PSMA2: variants seen among roughly 807,000 people sequenced by gnomAD.
The protein encoded by PSMA2 is proteasome 20S subunit alpha 2.
Under a neutral mutation model 35.9 loss-of-function variants are expected in PSMA2, and 2 were observed. The ratio of observed to expected loss-of-function variants is 0.06; its 90% CI spans 0.02 to 0.18. PSMA2 has a LOEUF of 0.18. Ranked by LOEUF, PSMA2 falls within the 10% of genes least tolerant of loss-of-function variation. The pLI, the probability that PSMA2 is intolerant of heterozygous loss-of-function variation, is 1.00. For missense variants in PSMA2, 126 were observed against 278.8 expected, an observed-to-expected ratio of 0.45 and a Z score of 3.90; for synonymous variants, 97 against 98.2, an observed-to-expected ratio of 0.99 and a Z score of 0.07.
intron 1 of PSMA2, 119 bp downstream of exon 1, chr7:42,931,999 C>T (rs577293330): frequency 7.5e-7 from 1 of 1,339,474 alleles, no homozygotes; most frequent in Non-Finnish European, 1.1e-6. Flanking sequence ...GCATTTCCAA[C>T]TCCATTCCCT....
At chr7:42,931,613 G>A (rs1786314180) in intron 1 of PSMA2, among the ~76,000 whole-genome samples, 1 of 152,208 alleles carries the variant, frequency 6.6e-6, no homozygotes, top group Middle Eastern at 3.4e-3. Flanking sequence ...CGAAGAAACC[G>A]AAAGCGGGAG....
chr7:42,921,321 G>A (rs1294496532), intron 6 of PSMA2: 1 of 152,124 alleles, frequency 6.6e-6, no homozygotes, highest in Non-Finnish European at 1.5e-5. Flanking sequence ...GAGTCCCGAA[G>A]GACTACAGTA....
At chr7:42,925,177 T>C (rs1786189140) in intron 3 of PSMA2, among the ~76,000 whole-genome samples, 1 of 152,168 alleles carries the variant, frequency 6.6e-6, no homozygotes, top group Non-Finnish European at 1.5e-5. Flanking sequence ...TTTTCTCACT[T>C]CAGGTCACTA....
intron 2 of PSMA2, 46 bp from the exon 3 acceptor site, chr7:42,926,714 CTG>C: frequency 6.5e-7 from 1 of 1,543,176 alleles, no homozygotes; most frequent in Non-Finnish European, 8.7e-7. Context: ...ATTTTTAAGA[CTG>C]TTTTAACAGC....
chr7:42,927,209 G>C (rs1355238828), intron 2 of PSMA2, among the ~76,000 whole-genome samples, 174 bp downstream of exon 2: 2 of 152,166 alleles, frequency 1.3e-5, no homozygotes, highest in South Asian at 2.1e-4. Flanking sequence ...ACTTTGAAAA[G>C]AAATTTGAAT....
At chr7:42,923,512 T>C (rs1359916768) in intron 4 of PSMA2, 106 bp from the exon 5 acceptor site, 7 of 788,322 alleles carry the variant, frequency 8.9e-6, no homozygotes, top group Non-Finnish European at 1.1e-5. Flanking sequence ...GCAAACTGAA[T>C]TAGACTTTTA....
intron 2 of PSMA2, 69 bp from the exon 3 acceptor site, chr7:42,926,737 T>G (rs1024547915): frequency 1.2e-4 from 169 of 1,459,022 alleles, no homozygotes; most frequent in Non-Finnish European, 1.2e-4. Context: ...TTTCTAATTA[T>G]GGATGCGCTA....
At chr7:42,926,384 C>G in intron 3 of PSMA2, 152 bp downstream of exon 3, 1 of 841,268 alleles carries the variant, frequency 1.2e-6, no homozygotes, top group East Asian at 2.9e-5. Context: ...AAACTAAATT[C>G]AGCTCTCAAC....
chr7:42,925,413 A>C (rs1332922314), intron 3 of PSMA2, among the ~76,000 whole-genome samples: 2 of 152,172 alleles, frequency 1.3e-5, no homozygotes, highest in African/African-American at 4.8e-5. Context: ...AAAGAGAATA[A>C]CTCAGATGTG....
In PSMA2 at chr7:42,932,106, C is replaced by G. The variant is rs779982230; in HGVS notation, c.41+12G>C. ...TCGACTACGCTGAAGACCTCGAGGG[C>G]CCCTTCCATACCTGAATGTAGTCAG... On this transcript the variant is annotated intron_variant, in intron 1 of 7. Transcript: ENST00000223321. 6.2e-7 allele frequency: 1 copy of G among 1,614,138 alleles called. No individual in the cohort carries two copies. The highest frequency in any genetic ancestry group is 8.5e-7 in the Non-Finnish European group (1 of 1,180,034).
chr7:42,918,792 G>A, intron 6 of PSMA2: 1 of 162,190 alleles, frequency 6.2e-6, no homozygotes, highest in Non-Finnish European at 1.3e-5. Flanking sequence ...ATGGCCCGTG[G>A]CTGACTTGGC....
rs58198756 is a variant in PSMA2 at position 42,924,353 on chromosome 7, C to CA, written c.374+321dup. On this transcript the variant is annotated intron_variant, in intron 4 of 7. Transcript: ENST00000223321. The stretch of plus-strand genomic sequence containing the variant: ...TGGGCGACAGAGTGAGACTCTGACT[C>CA]AAAAAAAAAAAAAAAAAAAAAAAAA... Among the ~76,000 whole-genome samples the CA allele has an allele frequency of 5.0e-3, 344 of 69,424 alleles. 16 individuals carry two copies. The highest frequency in any genetic ancestry group is 0.02 in the African/African-American group (328 of 16,272). The allele number at this position is 69,424 out of a possible 152,430, so 45.5% of individuals were successfully genotyped here. A position where few individuals can be genotyped will look rare whatever the true frequency, so the allele number is the denominator to read the frequency against.
At position 42,926,290 on chromosome 7, in the gene PSMA2, T is replaced by C. The variant is rs542275110; in HGVS notation, c.251+246A>G. 4.3e-3 allele frequency among the ~76,000 whole-genome samples: 656 copies of C among 152,380 alleles called. 7 individuals are homozygous for C. The highest frequency in any genetic ancestry group is 0.015 in the African/African-American group (631 of 41,596). Reference sequence around the variant, plus strand: ...GAATATGTCAGAAGAGAAAGTCCGCTGAACAGAGAAAAGAGGAGTTATGTA... The same window carrying C: ...GAATATGTCAGAAGAGAAAGTCCGCCGAACAGAGAAAAGAGGAGTTATGTA... On this transcript the variant is annotated intron_variant, in intron 3 of 7. Coordinates refer to ENST00000223321, the MANE Select transcript of PSMA2 (RefSeq NM_002787.5).
rs1786084106 is a variant in PSMA2 at position 42,919,099 on chromosome 7, C to G, written c.531-1264G>C. The G allele has an allele frequency of 2.4e-5, 9 of 381,084 alleles. No homozygotes were observed. The Admixed American group carries it at 2.9e-4, about 12-fold the overall frequency. The allele number at this position is 381,084 out of a possible 1,614,324, so 23.6% of individuals were successfully genotyped here. ...TTGGCCTCCCAAAGTGCTGGGATTA[C>G]AGGCGTGAGCCACTGCGCCTGGCCA... On this transcript the variant is annotated intron_variant, in intron 6 of 7. Coordinates refer to ENST00000223321, the MANE Select transcript of PSMA2 (RefSeq NM_002787.5).
intron 1 of PSMA2, among the ~76,000 whole-genome samples, chr7:42,929,427 C>T (rs774503155): frequency 2.0e-5 from 3 of 152,178 alleles, no homozygotes; most frequent in Non-Finnish European, 4.4e-5. Flanking sequence ...TTAATAGCTA[C>T]CATTTCTCTG....
intron 4 of PSMA2, among the ~76,000 whole-genome samples, chr7:42,923,644 C>T (rs983660846): frequency 1.3e-5 from 2 of 152,232 alleles, no homozygotes; most frequent in Non-Finnish European, 2.9e-5. Context: ...TTACCTAAGA[C>T]ACTGGGGTTA....
At chr7:42,919,551 G>A in intron 6 of PSMA2, 1 of 516,684 alleles carries the variant, frequency 1.9e-6, no homozygotes, top group Non-Finnish European at 3.8e-6. Context: ...TAAGACTTTG[G>A]GATCATGCTA....
Position 42,917,846 on chromosome 7 carries a change from T to A in PSMA2, c.531-11A>T, listed in dbSNP as rs773310900. The stretch of plus-strand genomic sequence containing the variant: ...AGATCTTCATTATATCTGAAGAATT[T>A]AAAAAAAATTACTTATATCATTGTT... On this transcript the variant is annotated splice_polypyrimidine_tract_variant and intron_variant, in intron 6 of 7. Coordinates refer to ENST00000223321, the MANE Select transcript of PSMA2 (RefSeq NM_002787.5). 2.2e-5 allele frequency: 34 copies of A among 1,524,960 alleles called. No homozygotes were observed. Among genetic ancestry groups the A allele is most frequent in the African/African-American group, 2.9e-5 (2 of 68,580 alleles). 94.5% of individuals were successfully genotyped at this position (1,524,960 alleles called of 1,614,324 possible).
chr7:42,927,399 C>T lies in PSMA2; in HGVS notation c.102G>A (p.Pro34=), dbSNP rs923075895. Residue 34 remains proline (P), a synonymous_variant, in exon 2 of 8, where the codon CCG becomes CCA. Coordinates refer to ENST00000223321, the MANE Select transcript of PSMA2 (RefSeq NM_002787.5). The part of the protein sequence containing the change: ...YALAAVAGGA[P]SVGIKAANGV... ...TTTCATTACCTTTAATTCCCACGGA[C>T]GGGGCTCCTCCAGCTACAGCAGCCA... The T allele has an allele frequency of 2.7e-5, 43 of 1,613,822 alleles. No homozygotes were observed. Among genetic ancestry groups the T allele is most frequent in the Admixed American group, 1.3e-4 (8 of 59,996 alleles).
Sources: gnomAD v4.1 joint callset for allele counts (sites outside exome capture counted in the v4.1 genomes callset) on GRCh38, gnomAD v4.1.1 for gene constraint, MANE v1.5 for transcripts, NCBI Gene and HGNC (gene_info 2026-07-23, HGNC 2026-07-21) for gene names.